The following NF2 variants were observed in gnomAD, a reference collection of about 807,000 sequenced individuals.
The protein encoded by NF2 is NF2, moesin-ezrin-radixin like (MERLIN) tumor suppressor, also known as merlin.
A neutral mutation model predicts 83.7 loss-of-function variants in NF2; 8 were observed. The ratio of observed to expected loss-of-function variants is 0.10; its 90% CI spans 0.06 to 0.17. The LOEUF (loss-of-function observed/expected upper bound fraction) is 0.17, where lower values mean the gene tolerates loss of function less well. NF2 is among the 10% of genes least tolerant of loss of function. The pLI is 1.00. For missense variants in NF2, 533 were observed against 744.4 expected, an observed-to-expected ratio of 0.72 and a Z score of 3.31; for synonymous variants, 266 against 269.6, an observed-to-expected ratio of 0.99 and a Z score of 0.13.
intron 1 of NF2, among the ~76,000 whole-genome samples, chr22:29,624,919 C>CTCTTTCTT (rs553444447): frequency 2.8e-5 from 4 of 144,120 alleles, no homozygotes; most frequent in South Asian, 2.3e-4. Flanking sequence ...CTCTCTCTCT[C>CTCTTTCTT]TCTTTCTTTC....
Position 29,696,767 on chromosome 22 carries a change from T to C in NF2, c.*1965T>C, listed in dbSNP as rs1367039890. ...CAGGAGCGGAAGCTTCAGGCGTTTG[T>C]AAAGTGAGGTCTGGCTCTGCCTCCT... is the stretch of plus-strand genomic sequence containing the variant. On this transcript the variant is annotated 3_prime_UTR_variant, in exon 16 of 16. Transcript: ENST00000338641. 9.3e-6 allele frequency: 2 copies of C among 215,408 alleles called. No individual in the cohort carries two copies. The highest frequency in any genetic ancestry group is 1.9e-5 in the Non-Finnish European group (2 of 107,318). The allele number at this position is 215,408 out of a possible 1,614,324, so 13.3% of individuals were successfully genotyped here.
At chr22:29,611,576 GGAAAAAGAGA>G (rs2146705242) in intron 1 of NF2, among the ~76,000 whole-genome samples, 1 of 152,216 alleles carries the variant, frequency 6.6e-6, no homozygotes, top group Non-Finnish European at 1.5e-5. Flanking sequence ...CTTAAGATTA[GGAAAAAGAGA>G]GATAAGTCTA....
intron 4 of NF2, among the ~76,000 whole-genome samples, chr22:29,642,936 C>A (rs943182586): frequency 1.3e-5 from 2 of 151,966 alleles, no homozygotes; most frequent in East Asian, 3.9e-4. Context: ...GAAAATCGTT[C>A]ACTTCCGTTA....
At chr22:29,610,035 G>A (rs911757538) in intron 1 of NF2, among the ~76,000 whole-genome samples, 1 of 150,224 alleles carries the variant, frequency 6.7e-6, no homozygotes, top group Non-Finnish European at 1.5e-5. Flanking sequence ...TAAATAATTA[G>A]AGAGAGAGAG....
chr22:29,640,546 C>T lies in NF2; in HGVS notation c.363+1334C>T, dbSNP rs1438672768. ...CAGAGTGGCTCCCCAGTTTCATGGC[C>T]AGTTGCAGTGATTGGCACTGGGGCT... On this transcript the variant is annotated intron_variant, in intron 3 of 15. Transcript: ENST00000338641. 3.3e-5 allele frequency among the ~76,000 whole-genome samples: 5 copies of T among 152,068 alleles called. No homozygotes were observed. In the East Asian group the frequency reaches 9.7e-4, roughly 29 times the overall value.
At position 29,696,508 on chromosome 22, in the gene NF2, A is replaced by T; in HGVS notation, c.*1706A>T. On this transcript the variant is annotated 3_prime_UTR_variant, in exon 16 of 16. Transcript: ENST00000338641. ...TGGAGAGCAGAGGTGGTCTCTGGCAATTCCATCTGGTTTTGAGAAACTTAG... is the reference window on the plus strand; with the variant it reads ...TGGAGAGCAGAGGTGGTCTCTGGCATTTCCATCTGGTTTTGAGAAACTTAG... The T allele has an allele frequency of 9.1e-6, 2 of 218,580 alleles. No homozygotes were observed. The highest frequency in any genetic ancestry group is 1.8e-5 in the Non-Finnish European group (2 of 108,700). 13.5% of individuals were successfully genotyped at this position (218,580 alleles called of 1,614,324 possible).
intron 3 of NF2, 71 bp from the exon 4 acceptor site, chr22:29,642,131 T>C: frequency 8.1e-7 from 1 of 1,230,854 alleles, no homozygotes; most frequent in Non-Finnish European, 1.2e-6. Context: ...CGTGAGGCCA[T>C]CTGTTGTGAT....
intron 1 of NF2, among the ~76,000 whole-genome samples, chr22:29,634,951 A>C (rs918174693): frequency 2.0e-5 from 3 of 152,172 alleles, no homozygotes; most frequent in Non-Finnish European, 2.9e-5. Context: ...ATCCCTAAAG[A>C]CCTCAATCTT....
chr22:29,640,398 G>A (rs1428152618), intron 3 of NF2, among the ~76,000 whole-genome samples: 1 of 152,058 alleles, frequency 6.6e-6, no homozygotes, highest in African/African-American at 2.4e-5. Context: ...ATAAGTAATT[G>A]TCCCACCGAA....
In NF2 at chr22:29,639,137, C is replaced by T. The variant is rs1003303140; in HGVS notation, c.288C>T (p.Phe96=). ...AGGAAGAACCAGTCACCTTTCACTTCTTGGCCAAATTTTATCCTGAGAATG... is the reference window on the plus strand; with the variant it reads ...AGGAAGAACCAGTCACCTTTCACTTTTTGGCCAAATTTTATCCTGAGAATG... ...VSKEEPVTFH[F]LAKFYPENAE... is the part of the protein sequence containing the mutation. Residue 96 remains phenylalanine (F), a synonymous_variant, in exon 3 of 16, where the codon TTC becomes TTT. Coordinates refer to ENST00000338641, the MANE Select transcript of NF2 (RefSeq NM_000268.4). 6.2e-7 allele frequency: 1 copy of T among 1,614,202 alleles called. No homozygotes were observed. Among genetic ancestry groups the T allele is most frequent in the East Asian group, 2.2e-5 (1 of 44,886 alleles).
intron 1 of NF2, among the ~76,000 whole-genome samples, chr22:29,619,754 G>T (rs985931280): frequency 1.3e-5 from 2 of 152,140 alleles, no homozygotes; most frequent in African/African-American, 2.4e-5. Flanking sequence ...TCAGGTCTAG[G>T]ACAGGCAGGG....
At chr22:29,632,063 A>C (rs371912891) in intron 1 of NF2, among the ~76,000 whole-genome samples, 2 of 152,252 alleles carry the variant, frequency 1.3e-5, no homozygotes, top group South Asian at 4.1e-4. Context: ...GAAAATGGTC[A>C]CCAGATAACT....
intron 1 of NF2, among the ~76,000 whole-genome samples, chr22:29,618,205 G>T (rs572476306): frequency 1.3e-5 from 2 of 152,236 alleles, no homozygotes; most frequent in Admixed American, 6.5e-5. Flanking sequence ...TGATGATAGG[G>T]CTCAGGTAAG....
chr22:29,683,545 G>C, intron 15 of NF2: 1 of 1,113,566 alleles, frequency 9.0e-7, no homozygotes, highest in Admixed American at 4.5e-5. Context: ...GGGGCAAAAG[G>C]GTTGCTTGTG....
rs1280760669 is a variant in NF2 at position 29,696,337 on chromosome 22, C to T, written c.*1535C>T. 4.6e-6 allele frequency: 1 copy of T among 218,222 alleles called. No individual in the cohort carries two copies. 13.5% of individuals were successfully genotyped at this position (218,222 alleles called of 1,614,324 possible). A position where few individuals can be genotyped will look rare whatever the true frequency, so the allele number is the denominator to read the frequency against. ...TACAGGCATGAGCCACTGCACCCAG[C>T]CCCTTCTTGCCCTTTCTTTTCTCCA... On this transcript the variant is annotated 3_prime_UTR_variant, in exon 16 of 16. Coordinates refer to ENST00000338641, the MANE Select transcript of NF2 (RefSeq NM_000268.4).
chr22:29,681,667 A>T (rs2067141324), intron 15 of NF2, 66 bp downstream of exon 15: 1 of 1,596,758 alleles, frequency 6.3e-7, no homozygotes, highest in African/African-American at 1.3e-5. Flanking sequence ...TGCGGTTGGC[A>T]TCTGGTTTCC....
At chr22:29,660,692 A>T (rs1022867514) in intron 7 of NF2, among the ~76,000 whole-genome samples, 1 of 152,136 alleles carries the variant, frequency 6.6e-6, no homozygotes, top group South Asian at 2.1e-4. Flanking sequence ...CCTCCTGAGT[A>T]GCTGGGATTA....
intron 14 of NF2, among the ~76,000 whole-genome samples, chr22:29,681,054 C>CTT (rs572113720): frequency 1.0e-4 from 15 of 143,680 alleles, no homozygotes; most frequent in Non-Finnish European, 1.8e-4. Flanking sequence ...CTTTCCTTTT[C>CTT]TTTTTTTTTT....
intron 1 of NF2, among the ~76,000 whole-genome samples, chr22:29,620,207 T>A (rs1381820055): frequency 2.6e-5 from 4 of 152,036 alleles, no homozygotes; most frequent in Non-Finnish European, 5.9e-5. Flanking sequence ...TGCAGTGAGC[T>A]GAGATCGCGT....
Sources: allele counts gnomAD v4.1 joint callset (sites outside exome capture counted in the v4.1 genomes callset), GRCh38; gene constraint gnomAD v4.1.1; transcripts MANE v1.5; gene names NCBI Gene and HGNC (gene_info 2026-07-23, HGNC 2026-07-21).